RPS6KC1: variants seen among roughly 807,000 people sequenced by gnomAD.
The protein encoded by RPS6KC1 is inactive ribosomal protein S6 kinase delta-1.
RPS6KC1 carries 54 observed loss-of-function variants against 103.8 expected under a neutral mutation model. The observed-to-expected ratio is 0.52, with a 90% CI of 0.42 to 0.65. The LOEUF is 0.65. Ranked by LOEUF, RPS6KC1 falls within the 30% of genes least tolerant of loss-of-function variation. The probability of loss-of-function intolerance (pLI) is 0.00; values close to 1 mark genes in which losing one functional copy is unlikely to be tolerated. For synonymous variants in RPS6KC1, 439 were observed against 438.7 expected, an observed-to-expected ratio of 1.00 and a Z score of -0.01; for missense variants, 1,151 against 1,253.8, an observed-to-expected ratio of 0.92 and a Z score of 1.24.
the RPS6KC1 span, among the ~76,000 whole-genome samples, chr1:213,773,319 C>A: frequency 6.6e-6 from 1 of 151,512 alleles, no homozygotes; most frequent in South Asian, 2.1e-4. Context: ...CACCGCGCAC[C>A]CCCAACCACT....
the RPS6KC1 span, among the ~76,000 whole-genome samples, chr1:213,518,489 C>T: frequency 6.6e-6 from 1 of 152,140 alleles, no homozygotes; most frequent in African/African-American, 2.4e-5. Context: ...AAGGATCCTC[C>T]CCTAGAGCCT....
chr1:213,174,467 C>T (rs137864406), intron 7 of RPS6KC1, among the ~76,000 whole-genome samples: 63 of 152,082 alleles, frequency 4.1e-4, no homozygotes, highest in African/African-American at 1.4e-3. Context: ...GTCAGGAGTT[C>T]GAAACCAGCC....
the RPS6KC1 span, among the ~76,000 whole-genome samples, chr1:213,685,730 C>A: frequency 6.6e-6 from 1 of 151,810 alleles, no homozygotes; most frequent in East Asian, 1.9e-4. Flanking sequence ...CCTTTTCAAA[C>A]TGTTAAAATG....
chr1:213,078,486 C>G (rs2079557215), intron 3 of RPS6KC1, among the ~76,000 whole-genome samples: 1 of 152,114 alleles, frequency 6.6e-6, no homozygotes, highest in African/African-American at 2.4e-5. Flanking sequence ...ACTGCAGCCT[C>G]CACCTCCTGG....
chr1:213,333,119 A>T, the RPS6KC1 span, among the ~76,000 whole-genome samples: 3 of 152,012 alleles, frequency 2.0e-5, no homozygotes, highest in African/African-American at 7.2e-5. Context: ...TCCATAGGTG[A>T]CTCTTGGGCT....
At chr1:213,391,973 A>G in the RPS6KC1 span, among the ~76,000 whole-genome samples, 1 of 152,290 alleles carries the variant, frequency 6.6e-6, no homozygotes, top group East Asian at 1.9e-4. Flanking sequence ...GCTGGGCTGC[A>G]TGACCTCTCA....
chr1:213,150,850 T>C (rs1458318251), intron 6 of RPS6KC1, among the ~76,000 whole-genome samples: 2 of 152,070 alleles, frequency 1.3e-5, no homozygotes, highest in Non-Finnish European at 2.9e-5. Flanking sequence ...GACGGGGTGG[T>C]GGCCGGGCAG....
At chr1:213,262,501 A>G (rs1291593273) in intron 13 of RPS6KC1, among the ~76,000 whole-genome samples, 2 of 152,200 alleles carry the variant, frequency 1.3e-5, no homozygotes, top group Admixed American at 6.5e-5. Context: ...GGACAGTAGC[A>G]TAAGCTTATG....
chr1:213,602,120 C>CTCTTTCTTTCTTTCTTTCTT, the RPS6KC1 span, among the ~76,000 whole-genome samples: 18 of 5,132 alleles, frequency 3.5e-3, no homozygotes, highest in Non-Finnish European at 4.5e-3. Flanking sequence ...TTCTTTCTTT[C>CTCTTTCTTTCTTTCTTTCTT]TCTTTCTTTC....
At chr1:213,625,992 A>G in the RPS6KC1 span, among the ~76,000 whole-genome samples, 5 of 152,160 alleles carry the variant, frequency 3.3e-5, no homozygotes, top group South Asian at 2.1e-4. Flanking sequence ...CTAGATCCCT[A>G]AGGAATCGCC....
the RPS6KC1 span, among the ~76,000 whole-genome samples, chr1:213,530,462 C>T: frequency 1.3e-5 from 2 of 152,224 alleles, no homozygotes; most frequent in Non-Finnish European, 2.9e-5. Context: ...AACTATGTCA[C>T]TTAACCTTCA....
At chr1:213,379,175 G>A in the RPS6KC1 span, among the ~76,000 whole-genome samples, 47 of 152,336 alleles carry the variant, frequency 3.1e-4, no homozygotes, top group African/African-American at 1.1e-3. Context: ...CCTGGTACGT[G>A]TGGATCTTCA....
At chr1:213,808,096 T>C in the RPS6KC1 span, among the ~76,000 whole-genome samples, 4 of 152,216 alleles carry the variant, frequency 2.6e-5, no homozygotes, top group Non-Finnish European at 4.4e-5. Context: ...CAGTGGTTTT[T>C]CGTGAACTGC....
chr1:213,754,875 C>A, the RPS6KC1 span, among the ~76,000 whole-genome samples: 2 of 152,196 alleles, frequency 1.3e-5, no homozygotes, highest in African/African-American at 4.8e-5. Context: ...GCTTAGAAAC[C>A]TGTCTGGCAT....
chr1:213,643,116 A>G, the RPS6KC1 span, among the ~76,000 whole-genome samples: 1 of 151,932 alleles, frequency 6.6e-6, no homozygotes, highest in Non-Finnish European at 1.5e-5. Flanking sequence ...GACTTCTTTG[A>G]CAATTTTTCT....
At chr1:213,313,209 G>C in the RPS6KC1 span, among the ~76,000 whole-genome samples, 9 of 152,284 alleles carry the variant, frequency 5.9e-5, no homozygotes, top group South Asian at 4.1e-4. Context: ...GCAAGAGCCT[G>C]TGAGAGATCA....
the RPS6KC1 span, among the ~76,000 whole-genome samples, chr1:213,661,073 T>C: frequency 3.3e-4 from 51 of 152,310 alleles, no homozygotes; most frequent in Admixed American, 2.9e-3. Flanking sequence ...CTGTGTATGG[T>C]TGAAGTCCCT....
chr1:213,357,674 C>T, the RPS6KC1 span, among the ~76,000 whole-genome samples: 1 of 152,130 alleles, frequency 6.6e-6, no homozygotes, highest in African/African-American at 2.4e-5. Flanking sequence ...GTGTGGAGAC[C>T]AAAGAAAGTG....
At chr1:213,072,007 T>G (rs1276536843) in intron 2 of RPS6KC1, among the ~76,000 whole-genome samples, 1 of 152,210 alleles carries the variant, frequency 6.6e-6, no homozygotes, top group African/African-American at 2.4e-5. Flanking sequence ...TGAATGTTTC[T>G]TGATTTATTT....
Sources: allele counts gnomAD v4.1 joint callset (sites outside exome capture counted in the v4.1 genomes callset), GRCh38; gene constraint gnomAD v4.1.1; transcripts MANE v1.5; gene names NCBI Gene and HGNC (gene_info 2026-07-23, HGNC 2026-07-21).